Variants in GULP1 observed in about 807,000 individuals in gnomAD.
The protein encoded by GULP1 is PTB domain-containing engulfment adapter protein 1.
A neutral mutation model predicts 40.9 loss-of-function variants in GULP1; 19 were observed. That is an observed-to-expected ratio of 0.46 (90% CI 0.32 to 0.68). The LOEUF (loss-of-function observed/expected upper bound fraction) is 0.68, where lower values mean the gene tolerates loss of function less well. GULP1 is among the 30% of genes least tolerant of loss of function. The pLI is 0.03. For missense variants in GULP1, 312 were observed against 362.2 expected (o/e 0.86, Z 1.12); for synonymous variants, 119 against 117.6 (o/e 1.01, Z -0.08).
chr2:188,328,185 A>T (rs1387350596), intron 1 of GULP1, among the ~76,000 whole-genome samples: 1 of 152,158 alleles, frequency 6.6e-6, no homozygotes, highest in African/African-American at 2.4e-5. Context: ...ATACATTGTA[A>T]GATGGCTATG....
intron 4 of GULP1, among the ~76,000 whole-genome samples, chr2:188,492,378 T>C (rs1271038616): frequency 2.0e-5 from 3 of 152,070 alleles, no homozygotes; most frequent in Non-Finnish European, 4.4e-5. Flanking sequence ...GTATAGACTT[T>C]TGGTTAACAG....
At chr2:188,387,326 C>T (rs999577461) in intron 2 of GULP1, among the ~76,000 whole-genome samples, 8 of 152,016 alleles carry the variant, frequency 5.3e-5, no homozygotes, top group African/African-American at 1.7e-4. Context: ...ATCAAGTATA[C>T]ATTTATCTAA....
At chr2:188,526,879 G>A (rs923113968) in intron 5 of GULP1, among the ~76,000 whole-genome samples, 2 of 151,980 alleles carry the variant, frequency 1.3e-5, no homozygotes, top group East Asian at 3.9e-4. Context: ...AGCTTATCTG[G>A]GACTTACTGT....
chr2:188,490,574 G>A (rs1378784168), intron 4 of GULP1, among the ~76,000 whole-genome samples: 8 of 152,024 alleles, frequency 5.3e-5, no homozygotes, highest in Non-Finnish European at 1.2e-4. Context: ...TAACACAGGG[G>A]CCACATGTCT....
At chr2:188,450,836 G>A (rs2058780838) in intron 2 of GULP1, among the ~76,000 whole-genome samples, 1 of 152,066 alleles carries the variant, frequency 6.6e-6, no homozygotes, top group African/African-American at 2.4e-5. Flanking sequence ...CATGTTTCAG[G>A]AGCCTCAACT....
chr2:188,374,700 C>T (rs1188274239), intron 1 of GULP1, among the ~76,000 whole-genome samples: 3 of 151,604 alleles, frequency 2.0e-5, no homozygotes, highest in Non-Finnish European at 2.9e-5. Flanking sequence ...CTGCCATTGA[C>T]CAGTCCTGGA....
rs542069197 is a variant in GULP1 at position 188,391,983 on chromosome 2, T to A, written c.-45+8094T>A. Among the ~76,000 whole-genome samples, 196 of 152,186 alleles carry A rather than the reference T, an allele frequency of 1.3e-3. 2 individuals are homozygous for A. Among genetic ancestry groups the A allele is most frequent in the Non-Finnish European group, 2.2e-3 (150 of 67,918 alleles). On this transcript the variant is annotated intron_variant, in intron 2 of 11. Transcript: ENST00000409830. The stretch of plus-strand genomic sequence containing the variant: ...ACCCACTAGATCATGCTGTATTATT[T>A]TTTTGATGTGCTGTTGCATTTGGTT...
chr2:188,299,569 G>T (rs1014660123), intron 1 of GULP1, among the ~76,000 whole-genome samples: 1 of 152,154 alleles, frequency 6.6e-6, no homozygotes, highest in Non-Finnish European at 1.5e-5. Context: ...TGCAAATAAA[G>T]AGATTCTGAT....
chr2:188,588,980 C>T (rs1219702104), intron 11 of GULP1: 6 of 152,196 alleles, frequency 3.9e-5, no homozygotes, highest in African/African-American at 1.4e-4. Flanking sequence ...AGTTGAATTA[C>T]TTAACATATG....
At chr2:188,515,247 T>C (rs1232767898) in intron 4 of GULP1, among the ~76,000 whole-genome samples, 1 of 152,154 alleles carries the variant, frequency 6.6e-6, no homozygotes, top group East Asian at 1.9e-4. Context: ...ACTTGCATGA[T>C]TCCCCCTGCC....
intron 2 of GULP1, among the ~76,000 whole-genome samples, chr2:188,440,853 T>A (rs2152863665): frequency 6.6e-6 from 1 of 152,346 alleles, no homozygotes; most frequent in African/African-American, 2.4e-5. Flanking sequence ...ACTTGTATAT[T>A]GGGAAATTTT....
intron 1 of GULP1, among the ~76,000 whole-genome samples, chr2:188,336,457 CA>C (rs1342596841): frequency 6.6e-6 from 1 of 152,114 alleles, no homozygotes; most frequent in Non-Finnish European, 1.5e-5. Context: ...GATACAGCAT[CA>C]AAAAGGACAG....
At chr2:188,547,287 A>G (rs1466574327) in intron 7 of GULP1, among the ~76,000 whole-genome samples, 1 of 151,980 alleles carries the variant, frequency 6.6e-6, no homozygotes, top group East Asian at 1.9e-4. Flanking sequence ...AGGAACATAA[A>G]TGTAAAAATT....
chr2:188,427,875 A>C (rs978866458), intron 2 of GULP1, among the ~76,000 whole-genome samples: 18 of 152,166 alleles, frequency 1.2e-4, no homozygotes, highest in Non-Finnish European at 1.9e-4. Context: ...TAGACCCTGG[A>C]ATGGTAGATA....
chr2:188,573,866 GC>G (rs1156298101), intron 9 of GULP1, among the ~76,000 whole-genome samples: 6 of 152,132 alleles, frequency 3.9e-5, no homozygotes, highest in African/African-American at 1.4e-4. Flanking sequence ...GGTGAGAGGA[GC>G]CCCTAACACA....
At chr2:188,411,666 C>T (rs1336147210) in intron 2 of GULP1, among the ~76,000 whole-genome samples, 1 of 152,174 alleles carries the variant, frequency 6.6e-6, no homozygotes, top group Non-Finnish European at 1.5e-5. Flanking sequence ...ACCTCTTCCC[C>T]AAATGTCCTT....
At chr2:188,341,562 A>G (rs531210442) in intron 1 of GULP1, among the ~76,000 whole-genome samples, 110 of 152,256 alleles carry the variant, frequency 7.2e-4, no homozygotes, top group African/African-American at 2.6e-3. Context: ...CCTGCTGGAG[A>G]AAAAAGACTA....
At chr2:188,374,458 G>A (rs2048032828) in intron 1 of GULP1, among the ~76,000 whole-genome samples, 1 of 152,122 alleles carries the variant, frequency 6.6e-6, no homozygotes, top group Non-Finnish European at 1.5e-5. Context: ...AATCCAGGCA[G>A]TTAGATATTT....
intron 4 of GULP1, among the ~76,000 whole-genome samples, chr2:188,495,644 T>C (rs2062829078): frequency 2.0e-5 from 3 of 152,022 alleles, no homozygotes; most frequent in African/African-American, 7.2e-5. Context: ...TACAACTTAA[T>C]GGCAAGCCTA....
Sources: gnomAD v4.1 joint callset for allele counts (sites outside exome capture counted in the v4.1 genomes callset) on GRCh38, gnomAD v4.1.1 for gene constraint, MANE v1.5 for transcripts, NCBI Gene and HGNC (gene_info 2026-07-23, HGNC 2026-07-21) for gene names.